Variants in ADAMTS20 observed in about 807,000 individuals in gnomAD.
ADAMTS20 encodes A disintegrin and metalloproteinase with thrombospondin motifs 20.
ADAMTS20 carries 225 observed loss-of-function variants against 260.1 expected under a neutral mutation model. The ratio of observed to expected loss-of-function variants is 0.87; its 90% CI spans 0.78 to 0.97. The LOEUF is 0.97. Among genes scored for constraint, ADAMTS20 ranks in the 50% least tolerant of loss-of-function variants. ADAMTS20 has a pLI of 0.00. For synonymous variants in ADAMTS20, 802 were observed against 769.5 expected, an observed-to-expected ratio of 1.04 and a Z score of -0.70; for missense variants, 2,400 against 2,337.7, an observed-to-expected ratio of 1.03 and a Z score of -0.55.
intron 28 of ADAMTS20, among the ~76,000 whole-genome samples, chr12:43,409,813 C>CT (rs1940999113): frequency 6.6e-6 from 1 of 151,982 alleles, no homozygotes; most frequent in African/African-American, 2.4e-5. Context: ...TTCGTTAACA[C>CT]TAAGTCACTT....
At chr12:43,451,749 C>A (rs1211442409) in intron 14 of ADAMTS20, among the ~76,000 whole-genome samples, 3 of 152,008 alleles carry the variant, frequency 2.0e-5, no homozygotes, top group Non-Finnish European at 2.9e-5. Flanking sequence ...AATCTGTGAC[C>A]ATCTTGGAAG....
At chr12:43,511,349 A>T (rs1346123113) in intron 3 of ADAMTS20, among the ~76,000 whole-genome samples, 1 of 151,978 alleles carries the variant, frequency 6.6e-6, no homozygotes, top group African/African-American at 2.4e-5. Context: ...ACTGCCCATA[A>T]GATAAAATCT....
At chr12:43,408,458 A>G (rs959508091) in intron 28 of ADAMTS20, among the ~76,000 whole-genome samples, 3 of 152,222 alleles carry the variant, frequency 2.0e-5, no homozygotes, top group Non-Finnish European at 4.4e-5. Context: ...TACCATTTCA[A>G]GTTCCCACAA....
chr12:43,502,311 T>C lies in ADAMTS20; in HGVS notation c.708A>G (p.Thr236=), dbSNP rs1304423612. 1.2e-5 allele frequency: 19 copies of C among 1,612,346 alleles called. No homozygotes were observed. Among genetic ancestry groups the C allele is most frequent in the Non-Finnish European group, 1.4e-5 (17 of 1,179,376 alleles). ...NVMKERVLGH[T]SKNVPLKDER... is the part of the protein sequence containing the mutation. Reference sequence around the variant, plus strand: ...CATCTTTCAATGGTACATTTTTTGATGTGTGTCCTAAAACTCTTTCTTTCA... The same window carrying C: ...CATCTTTCAATGGTACATTTTTTGACGTGTGTCCTAAAACTCTTTCTTTCA... The change falls in exon 4 of 39, where the codon ACA becomes ACG. Residue 236 remains threonine (T), a synonymous_variant. Transcript: ENST00000389420.
Position 43,387,540 on chromosome 12 carries a change from C to T in ADAMTS20, c.4453-3563G>A, listed in dbSNP as rs185305032. On this transcript the variant is annotated intron_variant, in intron 29 of 38. Transcript: ENST00000389420. ...GCTGTGCTGGGAGATCCACTGCTCT[C>T]TTCAGAGCCAGCAGGCAGGAACATT... Among the ~76,000 whole-genome samples the T allele has an allele frequency of 9.5e-4, 145 of 152,334 alleles. 1 individual carries two copies. Among genetic ancestry groups the T allele is most frequent in the African/African-American group, 3.4e-3 (141 of 41,570 alleles).
chr12:43,535,225 C>T (rs1943277716), intron 2 of ADAMTS20, among the ~76,000 whole-genome samples: 2 of 152,174 alleles, frequency 1.3e-5, no homozygotes, highest in South Asian at 4.1e-4. Context: ...CCCTGAATTT[C>T]TACTGCTGAA....
intron 7 of ADAMTS20, among the ~76,000 whole-genome samples, chr12:43,475,765 T>C (rs1292904747): frequency 4.6e-5 from 7 of 150,606 alleles, no homozygotes; most frequent in Non-Finnish European, 1.5e-5. Context: ...ATTTAATAAA[T>C]GGTGCTGGGA....
At chr12:43,450,656 A>G (rs909562208) in intron 14 of ADAMTS20, among the ~76,000 whole-genome samples, 3 of 152,154 alleles carry the variant, frequency 2.0e-5, no homozygotes, top group African/African-American at 7.2e-5. Flanking sequence ...GGGGAGATGA[A>G]GTTGGCCCTA....
At chr12:43,422,440 G>A (rs1485924765) in intron 28 of ADAMTS20, among the ~76,000 whole-genome samples, 2 of 151,772 alleles carry the variant, frequency 1.3e-5, no homozygotes, top group Non-Finnish European at 2.9e-5. Flanking sequence ...CACTGAAAGA[G>A]GTAAAATGTT....
At chr12:43,361,960 G>C (rs1014699643) in intron 37 of ADAMTS20, among the ~76,000 whole-genome samples, 5 of 152,166 alleles carry the variant, frequency 3.3e-5, no homozygotes, top group African/African-American at 1.2e-4. Flanking sequence ...TAATGACAAG[G>C]ACCAGATTTC....
chr12:43,368,950 G>C (rs1372565407), intron 37 of ADAMTS20, among the ~76,000 whole-genome samples: 5 of 152,156 alleles, frequency 3.3e-5, no homozygotes, highest in Non-Finnish European at 7.4e-5. Context: ...CAGCAGAAGT[G>C]TATGAAAGTC....
chr12:43,487,111 G>A (rs1191438547), intron 7 of ADAMTS20, among the ~76,000 whole-genome samples: 2 of 152,116 alleles, frequency 1.3e-5, no homozygotes, highest in African/African-American at 4.8e-5. Context: ...ATATCAAAAA[G>A]ACACCTGCAC....
chr12:43,468,937 T>G (rs983384094), intron 7 of ADAMTS20, among the ~76,000 whole-genome samples: 1 of 152,124 alleles, frequency 6.6e-6, no homozygotes, highest in Admixed American at 6.5e-5. Context: ...TAATCCAAAA[T>G]GTAGAGTGAG....
intron 37 of ADAMTS20, among the ~76,000 whole-genome samples, chr12:43,363,047 A>G (rs1394096872): frequency 6.6e-6 from 1 of 152,090 alleles, no homozygotes; most frequent in Non-Finnish European, 1.5e-5. Flanking sequence ...AAAAAAAAGA[A>G]TATCTATTAA....
At chr12:43,405,229 C>CAAAAAAAAAA (rs869040570) in intron 28 of ADAMTS20, among the ~76,000 whole-genome samples, 17 of 52,776 alleles carry the variant, frequency 3.2e-4, no homozygotes, top group African/African-American at 7.9e-4. Context: ...CTCATCTCTA[C>CAAAAAAAAAA]AAAAAAAAAA....
intron 10 of ADAMTS20, 57 bp downstream of exon 10, chr12:43,464,534 T>G (rs1942119099): frequency 1.3e-6 from 2 of 1,567,878 alleles, no homozygotes; most frequent in East Asian, 4.5e-5. Flanking sequence ...TTGAAATATA[T>G]TCTAAGATAA....
chr12:43,518,771 C>A (rs557752924), intron 3 of ADAMTS20, among the ~76,000 whole-genome samples: 4 of 148,952 alleles, frequency 2.7e-5, no homozygotes, highest in Admixed American at 2.0e-4. Flanking sequence ...TTCCCACAGA[C>A]TTCCTCATCT....
intron 3 of ADAMTS20, among the ~76,000 whole-genome samples, chr12:43,512,352 G>A (rs892079812): frequency 1.3e-5 from 2 of 148,246 alleles, no homozygotes; most frequent in African/African-American, 4.9e-5. Context: ...TTATATATGA[G>A]GATATTATTA....
In ADAMTS20 at chr12:43,431,484, A is replaced by G. The variant is rs764040218; in HGVS notation, c.3109T>C (p.Cys1037Arg). 14 of 1,613,828 alleles carry G rather than the reference A, an allele frequency of 8.7e-6. No individual in the cohort carries two copies. Among genetic ancestry groups the G allele is most frequent in the African/African-American group, 1.3e-5 (1 of 74,922 alleles). ...TGCCGCTGCTTTGTTCCTTTACCACATGTAACAAGGCACTGTAAGAATAAA... is the reference window on the plus strand; with the variant it reads ...TGCCGCTGCTTTGTTCCTTTACCACGTGTAACAAGGCACTGTAAGAATAAA... ...ASEWSECLVTCGKGTKQRQVW... is the reference protein window; with the variant it reads ...ASEWSECLVTRGKGTKQRQVW... Residue 1037 changes from cysteine (C) to arginine (R), a missense_variant, in exon 22 of 39, where the codon TGT becomes CGT. Cys to Arg is a radical substitution (Grantham distance 180). Transcript: ENST00000389420.
Sources: allele counts gnomAD v4.1 joint callset (sites outside exome capture counted in the v4.1 genomes callset), GRCh38; gene constraint gnomAD v4.1.1; transcripts MANE v1.5; gene names NCBI Gene and HGNC (gene_info 2026-07-23, HGNC 2026-07-21).